The following TNKS2 variants were observed in gnomAD, a reference collection of about 807,000 sequenced individuals.
TNKS2 encodes the protein tankyrase 2.
Under a neutral mutation model 137.6 loss-of-function variants are expected in TNKS2, and 72 were observed. The observed-to-expected ratio is 0.52, with a 90% CI of 0.43 to 0.64. The LOEUF (loss-of-function observed/expected upper bound fraction) is 0.64, where lower values mean the gene tolerates loss of function less well. Ranked by LOEUF, TNKS2 falls within the 30% of genes least tolerant of loss-of-function variation. TNKS2 has a pLI of 0.00. For synonymous variants in TNKS2, 516 were observed against 512.1 expected, an observed-to-expected ratio of 1.01 and a Z score of -0.10; for missense variants, 1,049 against 1,410.2, an observed-to-expected ratio of 0.74 and a Z score of 4.10.
At chr10:91,859,351 T>C in intron 24 of TNKS2, 111 bp from the exon 25 acceptor site, 1 of 883,708 alleles carries the variant, frequency 1.1e-6, no homozygotes, top group Non-Finnish European at 1.6e-6. Context: ...CGTTTTGGCT[T>C]TATTATGGTT....
In TNKS2 at chr10:91,826,821, C is replaced by T. The variant is rs547742513; in HGVS notation, c.796-196C>T. Among the ~76,000 whole-genome samples the T allele has an allele frequency of 4.1e-4, 63 of 152,246 alleles. 1 individual carries two copies. The highest frequency in any genetic ancestry group is 7.1e-4 in the Non-Finnish European group (48 of 68,008). ...TAAAAGTAGAAAAGTTAAGTAGACCCTTGTTGGTAGGGCTAGCAATCAGCT... is the reference window on the plus strand; with the variant it reads ...TAAAAGTAGAAAAGTTAAGTAGACCTTTGTTGGTAGGGCTAGCAATCAGCT... On this transcript the variant is annotated intron_variant, in intron 7 of 26. Coordinates refer to ENST00000371627, the MANE Select transcript of TNKS2 (RefSeq NM_025235.4).
intron 12 of TNKS2, 57 bp downstream of exon 12, chr10:91,834,081 C>T: frequency 1.4e-6 from 2 of 1,415,780 alleles, no homozygotes; most frequent in South Asian, 1.7e-5. Context: ...AAATTTTTCA[C>T]ATATCAGGTA....
intron 1 of TNKS2, among the ~76,000 whole-genome samples, chr10:91,801,758 C>T (rs1254951618): frequency 6.6e-6 from 1 of 152,166 alleles, no homozygotes; most frequent in Non-Finnish European, 1.5e-5. Context: ...AGGCGTGAGC[C>T]ACTGCGCCCG....
At position 91,862,160 on chromosome 10, in the gene TNKS2, T is replaced by C; in HGVS notation, c.3438+5T>C. 6.4e-7 allele frequency: 1 copy of C among 1,571,872 alleles called. No individual in the cohort carries two copies. ...GTTATTTACAGAGGAGAACAGGTAATGTAGTTTTATTTGTTCATCTTCAAA... is the reference window on the plus strand; with the variant it reads ...GTTATTTACAGAGGAGAACAGGTAACGTAGTTTTATTTGTTCATCTTCAAA... On this transcript the variant is annotated splice_donor_5th_base_variant and intron_variant, in intron 26 of 26. Coordinates refer to ENST00000371627, the MANE Select transcript of TNKS2 (RefSeq NM_025235.4).
chr10:91,857,166 G>C (rs1167303220), intron 23 of TNKS2, among the ~76,000 whole-genome samples: 1 of 152,098 alleles, frequency 6.6e-6, no homozygotes, highest in Non-Finnish European at 1.5e-5. Context: ...GAATGGAAGT[G>C]TTTTAATAAA....
rs1028391245 is a variant in TNKS2 at position 91,828,466 on chromosome 10, T to A, written c.1104+60T>A. The A allele has an allele frequency of 4.3e-6, 6 of 1,396,918 alleles. No individual in the cohort carries two copies. The African/African-American group carries it at 4.5e-5, about 10-fold the overall frequency. The allele number at this position is 1,396,918 out of a possible 1,614,324, so 86.5% of individuals were successfully genotyped here. A position where few individuals can be genotyped will look rare whatever the true frequency, so the allele number is the denominator to read the frequency against. On this transcript the variant is annotated intron_variant, in intron 9 of 26. Coordinates refer to ENST00000371627, the MANE Select transcript of TNKS2 (RefSeq NM_025235.4). ...AACGAAGAACGTGCTAAACTAATCA[T>A]AATATCCTACTTTTAGAACTAGCAT...
rs74151739 is a variant in TNKS2, at chr10:91,811,564, A to G, written c.200-1419A>G. 3.6e-3 allele frequency among the ~76,000 whole-genome samples: 542 copies of G among 152,236 alleles called. 3 individuals are homozygous for G. Among genetic ancestry groups the G allele is most frequent in the African/African-American group, 0.012 (500 of 41,530 alleles). On this transcript the variant is annotated intron_variant, in intron 1 of 26. Coordinates refer to ENST00000371627, the MANE Select transcript of TNKS2 (RefSeq NM_025235.4). ...GAGGAAGAATCAAAGATACAAAGATACTCATCTTTGTGACCACAGAGCCCA... is the reference window on the plus strand; with the variant it reads ...GAGGAAGAATCAAAGATACAAAGATGCTCATCTTTGTGACCACAGAGCCCA...
chr10:91,805,840 TC>T (rs1589641635), intron 1 of TNKS2, among the ~76,000 whole-genome samples: 2 of 152,172 alleles, frequency 1.3e-5, no homozygotes, highest in East Asian at 3.8e-4. Context: ...TAAAAGCACT[TC>T]CTGCAGGTGG....
intron 2 of TNKS2, among the ~76,000 whole-genome samples, 172 bp from the exon 3 acceptor site, chr10:91,816,962 C>G (rs538023046): frequency 6.6e-6 from 1 of 152,096 alleles, no homozygotes; most frequent in Non-Finnish European, 1.5e-5. Context: ...TAATAGAATA[C>G]TTTATGTATT....
intron 1 of TNKS2, chr10:91,807,509 G>A (rs893786790): frequency 3.0e-5 from 43 of 1,426,900 alleles, no homozygotes; most frequent in Non-Finnish European, 3.6e-5. Flanking sequence ...ACCTACGTCC[G>A]GGAGTCGCCA....
At chr10:91,802,552 A>G (rs1736376548) in intron 1 of TNKS2, among the ~76,000 whole-genome samples, 1 of 152,226 alleles carries the variant, frequency 6.6e-6, no homozygotes, top group Non-Finnish European at 1.5e-5. Context: ...TAGTTCGACC[A>G]ACAGGTTATA....
chr10:91,850,441 A>G (rs539700226), intron 20 of TNKS2, among the ~76,000 whole-genome samples: 6 of 142,842 alleles, frequency 4.2e-5, no homozygotes, highest in African/African-American at 1.3e-4. Flanking sequence ...GAAGGGAGCC[A>G]GGCACGGTGG....
intron 1 of TNKS2, among the ~76,000 whole-genome samples, chr10:91,799,677 A>C (rs1201962645): frequency 1.3e-5 from 2 of 152,198 alleles, no homozygotes; most frequent in Non-Finnish European, 2.9e-5. Context: ...AAGCATATTA[A>C]ATTTAGTCGA....
At chr10:91,861,769 C>G (rs1842858361) in intron 25 of TNKS2, among the ~76,000 whole-genome samples, 1 of 152,110 alleles carries the variant, frequency 6.6e-6, no homozygotes, top group Non-Finnish European at 1.5e-5. Flanking sequence ...AAGGTTATTA[C>G]ATTTTTCAGA....
intron 13 of TNKS2, among the ~76,000 whole-genome samples, chr10:91,838,706 G>A (rs1254838020): frequency 1.3e-5 from 2 of 152,138 alleles, no homozygotes; most frequent in East Asian, 3.8e-4. Flanking sequence ...ATCTTATTTG[G>A]GAAGCACAGA....
At chr10:91,844,805 C>CAT (rs3043645) in intron 16 of TNKS2, 114 bp from the exon 17 acceptor site, 186,944 of 583,378 alleles carry the variant, frequency 0.32, 30,635 homozygotes, top group East Asian at 0.47. Context: ...CTTATAAATA[C>CAT]ATATATATAT....
intron 21 of TNKS2, 69 bp from the exon 22 acceptor site, chr10:91,854,960 T>G: frequency 1.2e-6 from 1 of 813,220 alleles, no homozygotes; most frequent in Non-Finnish European, 2.0e-6. Flanking sequence ...AATTAGGTGG[T>G]TATTTTTGGT....
intron 6 of TNKS2, among the ~76,000 whole-genome samples, chr10:91,820,271 TCTA>T (rs1844846570): frequency 6.6e-6 from 1 of 152,220 alleles, no homozygotes; most frequent in Admixed American, 6.5e-5. Flanking sequence ...CAATGAGGTC[TCTA>T]CCAAGTGTTG....
rs952963629 is a variant in TNKS2, at chr10:91,807,378, T to G, written c.200-5605T>G. The stretch of plus-strand genomic sequence containing the variant: ...GAGAACCACACGTGCCTTCATAGGG[T>G]CAGCGAGGTAAAGCTTCTCGGCAGC... On this transcript the variant is annotated intron_variant, in intron 1 of 26. Transcript: ENST00000371627. 2.5e-6 allele frequency: 4 copies of G among 1,614,128 alleles called. No individual in the cohort carries two copies. In the African/African-American group the frequency reaches 4.0e-5, roughly 16 times the overall value.
Sources: gnomAD v4.1 joint callset for allele counts (sites outside exome capture counted in the v4.1 genomes callset) on GRCh38, gnomAD v4.1.1 for gene constraint, MANE v1.5 for transcripts, NCBI Gene and HGNC (gene_info 2026-07-23, HGNC 2026-07-21) for gene names.